ZFHX3: variants seen among roughly 807,000 people sequenced by gnomAD.
ZFHX3 encodes zinc finger homeobox protein 3.
Under a neutral mutation model 279.1 loss-of-function variants are expected in ZFHX3, and 42 were observed. The observed-to-expected ratio is 0.15, with a 90% CI of 0.12 to 0.19. The LOEUF is 0.19. Ranked by LOEUF, ZFHX3 falls within the 10% of genes least tolerant of loss-of-function variation. ZFHX3 has a pLI of 1.00. For missense variants in ZFHX3, 4,981 were observed against 4,754.0 expected (o/e 1.05, Z -1.40); for synonymous variants, 2,293 against 1,957.8 (o/e 1.17, Z -4.52).
chr16:72,922,531 C>T (rs551442619), intron 3 of ZFHX3, among the ~76,000 whole-genome samples: 9 of 152,274 alleles, frequency 5.9e-5, no homozygotes, highest in Admixed American at 1.3e-4. Flanking sequence ...ATGGCTTTAG[C>T]GTCACAGAAA....
At chr16:73,751,386 G>A (rs1482941085) in intron 1 of ZFHX3, among the ~76,000 whole-genome samples, 1 of 152,138 alleles carries the variant, frequency 6.6e-6, no homozygotes, top group Non-Finnish European at 1.5e-5. Context: ...AAGTATTACA[G>A]GGTTTTAAGA....
chr16:73,159,267 A>C (rs1020937391), intron 5 of ZFHX3, among the ~76,000 whole-genome samples: 5 of 152,234 alleles, frequency 3.3e-5, no homozygotes, highest in Non-Finnish European at 7.3e-5. Context: ...GAAGAACGTG[A>C]TATATTAGAT....
At chr16:73,355,683 G>A (rs1160941618) in intron 3 of ZFHX3, among the ~76,000 whole-genome samples, 1 of 152,198 alleles carries the variant, frequency 6.6e-6, no homozygotes, top group Non-Finnish European at 1.5e-5. Flanking sequence ...TTGGAGTCAG[G>A]CAGAATTGAA....
intron 2 of ZFHX3, among the ~76,000 whole-genome samples, chr16:73,530,193 A>G (rs1334442764): frequency 6.6e-6 from 1 of 152,144 alleles, no homozygotes; most frequent in Non-Finnish European, 1.5e-5. Flanking sequence ...ACCAAGTGAA[A>G]GGGTTTCCCC....
chr16:72,949,561 G>A (rs774277217), intron 3 of ZFHX3, among the ~76,000 whole-genome samples: 2 of 152,084 alleles, frequency 1.3e-5, no homozygotes, highest in Non-Finnish European at 2.9e-5. Flanking sequence ...CCTCCCCCTC[G>A]GTTGCCGTCT....
At chr16:72,843,046 G>C (rs925022479) in intron 4 of ZFHX3, among the ~76,000 whole-genome samples, 7 of 152,322 alleles carry the variant, frequency 4.6e-5, no homozygotes, top group Non-Finnish European at 7.4e-5. Flanking sequence ...AACACAAAGA[G>C]AGCATAAACA....
chr16:72,857,915 G>A (rs2037792780), intron 4 of ZFHX3, among the ~76,000 whole-genome samples: 1 of 152,182 alleles, frequency 6.6e-6, no homozygotes, highest in Admixed American at 6.5e-5. Flanking sequence ...ACAAAGGCAG[G>A]GTTTTCTTGC....
rs1300809195 is a variant in ZFHX3 at position 73,841,194 on chromosome 16, G to C, written c.-1608+50457C>G. Among the ~76,000 whole-genome samples the C allele has an allele frequency of 2.6e-5, 4 of 152,228 alleles. No individual in the cohort carries two copies. The East Asian group carries it at 5.8e-4, about 22-fold the overall frequency. ...ATACCAGCCAGGGGTGCCCATGGCA[G>C]AGTCAAATTGGAGAACAGGCAGAGG... On this transcript the variant is annotated intron_variant, in intron 1 of 17. Coordinates refer to the ZFHX3 transcript ENST00000641206.
chr16:73,215,669 G>A (rs2012179028), intron 5 of ZFHX3, among the ~76,000 whole-genome samples: 1 of 152,086 alleles, frequency 6.6e-6, no homozygotes, highest in Non-Finnish European at 1.5e-5. Flanking sequence ...TCCACCCCTA[G>A]CTTGTCCTCC....
At chr16:73,553,980 G>A (rs917191123) in intron 2 of ZFHX3, among the ~76,000 whole-genome samples, 2 of 152,224 alleles carry the variant, frequency 1.3e-5, no homozygotes, top group African/African-American at 4.8e-5. Context: ...TCACACGGTT[G>A]TTTATAACAA....
chr16:73,297,681 A>C (rs542256279), intron 4 of ZFHX3, among the ~76,000 whole-genome samples: 91 of 152,096 alleles, frequency 6.0e-4, no homozygotes, highest in Middle Eastern at 3.4e-3. Context: ...GAGTGTAAGG[A>C]GAATGCTGAT....
chr16:73,666,072 T>C lies in ZFHX3; in HGVS notation c.-1547+14108A>G, dbSNP rs368569301. Among the ~76,000 whole-genome samples the C allele has an allele frequency of 4.0e-5, 6 of 151,862 alleles. No individual in the cohort carries two copies. In the East Asian group the frequency reaches 5.8e-4, roughly 15 times the overall value. ...ACCTTGCGATCCACCCACCTCAGCC[T>C]CCCAAAGTGCTGGGGTTACAGGCGT... On this transcript the variant is annotated intron_variant, in intron 2 of 17. Transcript: ENST00000641206.
intron 3 of ZFHX3, among the ~76,000 whole-genome samples, chr16:72,897,632 A>C (rs1282121526): frequency 6.6e-6 from 1 of 152,036 alleles, no homozygotes; most frequent in Non-Finnish European, 1.5e-5. Flanking sequence ...GTAGAGACAG[A>C]GTCTGACCAA....
chr16:73,871,302 C>T (rs1296709515), intron 1 of ZFHX3, among the ~76,000 whole-genome samples: 1 of 152,188 alleles, frequency 6.6e-6, no homozygotes. Context: ...ACTGAAACGA[C>T]TTGCGTCAGC....
chr16:72,931,754 A>C (rs1959820445), intron 3 of ZFHX3, among the ~76,000 whole-genome samples: 1 of 152,144 alleles, frequency 6.6e-6, no homozygotes, highest in Non-Finnish European at 1.5e-5. Flanking sequence ...GAGATTCCTA[A>C]GGCAATGTTA....
chr16:73,490,577 C>T (rs926990799), intron 2 of ZFHX3, among the ~76,000 whole-genome samples: 14 of 152,192 alleles, frequency 9.2e-5, no homozygotes, highest in African/African-American at 2.9e-4. Context: ...GTGGCTCATG[C>T]TTATAATCCC....
At chr16:72,976,567 G>C (rs962324291) in intron 1 of ZFHX3, among the ~76,000 whole-genome samples, 5 of 152,306 alleles carry the variant, frequency 3.3e-5, no homozygotes, top group Admixed American at 3.3e-4. Context: ...GTAGCGTCCA[G>C]GCAGGCAAAG....
chr16:73,715,595 C>G (rs2053406873), intron 1 of ZFHX3, among the ~76,000 whole-genome samples: 1 of 104,268 alleles, frequency 9.6e-6, no homozygotes, highest in African/African-American at 4.0e-5. Flanking sequence ...TTTTTTGAGA[C>G]AGAGTCTCGC....
At chr16:72,910,508 A>C (rs756530447) in intron 3 of ZFHX3, among the ~76,000 whole-genome samples, 8 of 152,206 alleles carry the variant, frequency 5.3e-5, no homozygotes, top group Admixed American at 1.3e-4. Flanking sequence ...ACATGTACAC[A>C]GTCCTGCGTA....
Sources: allele counts gnomAD v4.1 joint callset (sites outside exome capture counted in the v4.1 genomes callset), GRCh38; gene constraint gnomAD v4.1.1; transcripts MANE v1.5; gene names NCBI Gene and HGNC (gene_info 2026-07-23, HGNC 2026-07-21).